IFT81: variants seen among roughly 807,000 people sequenced by gnomAD.
The protein encoded by IFT81 is intraflagellar transport 81.
A neutral mutation model predicts 102.6 loss-of-function variants in IFT81; 72 were observed. The ratio of observed to expected loss-of-function variants is 0.70; its 90% CI spans 0.58 to 0.85. The LOEUF (loss-of-function observed/expected upper bound fraction) is 0.85, where lower values mean the gene tolerates loss of function less well. Ranked by LOEUF, IFT81 falls within the 40% of genes least tolerant of loss-of-function variation. IFT81 has a pLI of 0.00. For synonymous variants in IFT81, 237 were observed against 242.7 expected (o/e 0.98, Z 0.22); for missense variants, 723 against 787.3 (o/e 0.92, Z 0.98).
chr12:110,132,780 G>GT (rs1259892794), intron 5 of IFT81, 144 bp downstream of exon 5: 2 of 511,222 alleles, frequency 3.9e-6, no homozygotes, highest in Non-Finnish European at 7.1e-6. Context: ...GGGGACCTTT[G>GT]GTAGTTCCTT....
chr12:110,159,242 G>A (rs1421209730), intron 10 of IFT81, among the ~76,000 whole-genome samples: 1 of 152,158 alleles, frequency 6.6e-6, no homozygotes, highest in Non-Finnish European at 1.5e-5. Flanking sequence ...ACCAAGATGT[G>A]TGGTTGAGCT....
At chr12:110,215,179 T>G (rs1384139483) in intron 18 of IFT81, among the ~76,000 whole-genome samples, 1 of 152,084 alleles carries the variant, frequency 6.6e-6, no homozygotes, top group Non-Finnish European at 1.5e-5. Context: ...CATTCTCATT[T>G]GTGTCTCAGA....
At chr12:110,147,469 A>G (rs1185468398) in intron 10 of IFT81, among the ~76,000 whole-genome samples, 1 of 152,142 alleles carries the variant, frequency 6.6e-6, no homozygotes, top group African/African-American at 2.4e-5. Context: ...AGCATTTATT[A>G]TTTTATCCAC....
At chr12:110,157,046 G>A (rs982018577) in intron 10 of IFT81, among the ~76,000 whole-genome samples, 5 of 149,936 alleles carry the variant, frequency 3.3e-5, no homozygotes, top group Non-Finnish European at 5.9e-5. Flanking sequence ...AGGAGTAGAA[G>A]TTTATTTTAA....
intron 12 of IFT81, among the ~76,000 whole-genome samples, chr12:110,181,597 T>C (rs2137520595): frequency 6.6e-6 from 1 of 152,340 alleles, no homozygotes; most frequent in Non-Finnish European, 1.5e-5. Context: ...TTGTTGGGAA[T>C]AGTATTCTAA....
At chr12:110,191,244 C>A (rs1307927579) in intron 13 of IFT81, among the ~76,000 whole-genome samples, 196 bp downstream of exon 13, 1 of 151,540 alleles carries the variant, frequency 6.6e-6, no homozygotes, top group Non-Finnish European at 1.5e-5. Context: ...GAATTTGGCT[C>A]ACTGTAACAT....
intron 8 of IFT81, among the ~76,000 whole-genome samples, chr12:110,138,433 ATT>A (rs1226824135): frequency 9.8e-5 from 14 of 142,246 alleles, no homozygotes; most frequent in Admixed American, 7.1e-5. Context: ...GAGGTTAATC[ATT>A]TTTTTTTTTT....
At position 110,150,430 on chromosome 12, in the gene IFT81, G is replaced by T. The variant is rs193184344; in HGVS notation, c.1041+3382G>T. 2.6e-5 allele frequency among the ~76,000 whole-genome samples: 4 copies of T among 152,246 alleles called. No individual in the cohort carries two copies. The East Asian group carries it at 7.7e-4, about 29-fold the overall frequency. On this transcript the variant is annotated intron_variant, in intron 10 of 18. Coordinates refer to ENST00000242591, the MANE Select transcript of IFT81 (RefSeq NM_014055.4). ...TCTTTTCAGTGGACCAGGCTAGGAGGTATTTCTTTCTCTTTCTTTTTCATA... is the reference window on the plus strand; with the variant it reads ...TCTTTTCAGTGGACCAGGCTAGGAGTTATTTCTTTCTCTTTCTTTTTCATA...
chr12:110,163,181 A>G (rs1896236958), intron 11 of IFT81, 116 bp downstream of exon 11: 1 of 755,938 alleles, frequency 1.3e-6, no homozygotes, highest in African/African-American at 1.8e-5. Flanking sequence ...CTTATTTTAT[A>G]AAACATATTT....
intron 11 of IFT81, chr12:110,167,872 G>C: frequency 4.1e-6 from 1 of 245,626 alleles, no homozygotes; most frequent in Non-Finnish European, 7.7e-6. Context: ...TTTCCCCAGA[G>C]ACAGGATCTC....
chr12:110,209,649 A>T (rs528542668), intron 18 of IFT81, among the ~76,000 whole-genome samples: 2 of 151,992 alleles, frequency 1.3e-5, no homozygotes, highest in African/African-American at 4.8e-5. Flanking sequence ...GGCGCCTGTA[A>T]TCCCAGCTAC....
chr12:110,135,303 G>A (rs1894419810), intron 6 of IFT81, 24 bp from the exon 7 acceptor site: 5 of 1,438,188 alleles, frequency 3.5e-6, no homozygotes, highest in Non-Finnish European at 4.8e-6. Flanking sequence ...ACAGTAACAT[G>A]TACTACTTAT....
intron 9 of IFT81, among the ~76,000 whole-genome samples, chr12:110,144,651 C>T (rs1895096041): frequency 6.6e-6 from 1 of 151,940 alleles, no homozygotes; most frequent in African/African-American, 2.4e-5. Flanking sequence ...GCTGGGACTA[C>T]AGATATGTGC....
rs985041978 is a variant in IFT81, at chr12:110,127,337, T to G, written c.-21-23T>G. 2.8e-6 allele frequency: 4 copies of G among 1,435,030 alleles called. No homozygotes were observed. In the African/African-American group the frequency reaches 5.9e-5, roughly 21 times the overall value. 88.9% of individuals were successfully genotyped at this position (1,435,030 alleles called of 1,614,324 possible). On this transcript the variant is annotated intron_variant, in intron 1 of 18. Transcript: ENST00000242591. ...CTTTTGTTGCCAGTATTAAGGATTT[T>G]TTTTTCTATTTTTACTCTTTAGTTA...
At chr12:110,129,173 C>T in intron 4 of IFT81, 43 bp downstream of exon 4, 1 of 1,397,496 alleles carries the variant, frequency 7.2e-7, no homozygotes, top group East Asian at 2.4e-5. Context: ...TAATGGATTT[C>T]AAGGTGTATA....
chr12:110,142,749 T>C (rs943622881), intron 8 of IFT81, among the ~76,000 whole-genome samples: 3 of 151,734 alleles, frequency 2.0e-5, no homozygotes, highest in Admixed American at 2.0e-4. Flanking sequence ...AAAAATTACC[T>C]AGGCGTGGTG....
chr12:110,126,444 A>C (rs1236128254), intron 1 of IFT81, among the ~76,000 whole-genome samples: 2 of 152,000 alleles, frequency 1.3e-5, no homozygotes, highest in Non-Finnish European at 2.9e-5. Context: ...ATGGCTTGAA[A>C]GATGGTTGGG....
At chr12:110,201,616 T>C (rs1214340834) in intron 14 of IFT81, among the ~76,000 whole-genome samples, 1 of 151,856 alleles carries the variant, frequency 6.6e-6, no homozygotes. Context: ...TATTTATTTA[T>C]TTATTTATTT....
chr12:110,169,649 G>A (rs758029611), intron 11 of IFT81, among the ~76,000 whole-genome samples: 5 of 152,146 alleles, frequency 3.3e-5, no homozygotes, highest in Admixed American at 6.6e-5. Flanking sequence ...TGCAACCTCC[G>A]CCTCCCGGGT....
Sources: gnomAD v4.1 joint callset for allele counts (sites outside exome capture counted in the v4.1 genomes callset) on GRCh38, gnomAD v4.1.1 for gene constraint, MANE v1.5 for transcripts, NCBI Gene and HGNC (gene_info 2026-07-23, HGNC 2026-07-21) for gene names.